GRIK1: variants seen among roughly 807,000 people sequenced by gnomAD.
GRIK1 encodes glutamate receptor ionotropic, kainate 1.
In GRIK1, 69 loss-of-function variants were observed where a neutral mutation model predicts 105.7. That is an observed-to-expected ratio of 0.65 (90% confidence interval 0.54 to 0.80). The LOEUF (loss-of-function observed/expected upper bound fraction) is 0.80. GRIK1 is among the 30% of genes least tolerant of loss of function. The pLI is 0.00. For missense variants in GRIK1, 1,109 were observed against 1,167.3 expected (o/e 0.95, Z 0.73); for synonymous variants, 438 against 431.3 (o/e 1.02, Z -0.19).
intron 1 of GRIK1, among the ~76,000 whole-genome samples, chr21:29,866,465 A>T (rs558536075): frequency 1.6e-3 from 243 of 152,322 alleles, no homozygotes; most frequent in African/African-American, 5.7e-3. Flanking sequence ...AATGGAAGTT[A>T]GAAACAAAAT....
chr21:29,744,593 A>G (rs113559483), intron 1 of GRIK1, among the ~76,000 whole-genome samples: 72 of 138,718 alleles, frequency 5.2e-4, no homozygotes, highest in Middle Eastern at 3.6e-3. Context: ...CTGGAATTCT[A>G]TTGTCTTGCT....
chr21:29,560,535 T>TCCTTC (rs1491554544), intron 15 of GRIK1, among the ~76,000 whole-genome samples: 1 of 98,322 alleles, frequency 1.0e-5, no homozygotes, highest in African/African-American at 4.6e-5. Flanking sequence ...TTTCTTTCTT[T>TCCTTC]CTTTCTTTCT....
At chr21:29,678,181 G>T (rs1341466158) in intron 3 of GRIK1, among the ~76,000 whole-genome samples, 1 of 152,124 alleles carries the variant, frequency 6.6e-6, no homozygotes, top group East Asian at 1.9e-4. Flanking sequence ...TCATAAACTT[G>T]TGGGTATATT....
chr21:29,858,683 C>T (rs572420414), intron 1 of GRIK1, among the ~76,000 whole-genome samples: 3 of 152,184 alleles, frequency 2.0e-5, no homozygotes, highest in African/African-American at 7.2e-5. Context: ...AAGCAGCTAG[C>T]TCATGATACC....
At chr21:29,642,747 C>T (rs1406705255) in intron 7 of GRIK1, 79 bp downstream of exon 7, 17 of 1,270,346 alleles carry the variant, frequency 1.3e-5, no homozygotes, top group Middle Eastern at 2.0e-4. Context: ...CAGCAGAACC[C>T]TGTGGGGAGG....
intron 1 of GRIK1, among the ~76,000 whole-genome samples, chr21:29,720,253 T>C (rs757523287): frequency 3.9e-5 from 6 of 152,220 alleles, no homozygotes; most frequent in African/African-American, 7.2e-5. Context: ...TGTTCCACTG[T>C]CTTTATAAAA....
intron 10 of GRIK1, 46 bp downstream of exon 10, chr21:29,591,066 G>A: frequency 9.9e-7 from 1 of 1,010,696 alleles, no homozygotes; most frequent in Non-Finnish European, 1.6e-6. Flanking sequence ...GAAGTCTAAG[G>A]CAGGAGCCTG....
At chr21:29,811,955 T>G (rs2067021643) in intron 1 of GRIK1, among the ~76,000 whole-genome samples, 1 of 152,166 alleles carries the variant, frequency 6.6e-6, no homozygotes, top group Admixed American at 6.6e-5. Flanking sequence ...AGGTCTCTGC[T>G]GAAATGTCAT....
At chr21:29,840,421 T>C (rs1395292477) in intron 1 of GRIK1, among the ~76,000 whole-genome samples, 1 of 152,122 alleles carries the variant, frequency 6.6e-6, no homozygotes, top group Non-Finnish European at 1.5e-5. Context: ...TATAAATAGC[T>C]TTGTCTTTCA....
Position 29,789,583 on chromosome 21 carries a change from T to A in GRIK1, c.119-95520A>T, listed in dbSNP as rs2066356170. 1.3e-5 allele frequency among the ~76,000 whole-genome samples: 2 copies of A among 152,230 alleles called. 1 individual carries two copies. Among genetic ancestry groups the A allele is most frequent in the South Asian group, 4.1e-4 (2 of 4,836 alleles). On this transcript the variant is annotated intron_variant, in intron 1 of 17. Transcript: ENST00000327783. ...AGCTCTTTTCTGCCTGACCTTTGAA[T>A]TGCTTTCATACCTCACGGAGTAAGC...
At chr21:29,566,256 A>C (rs1317130814) in intron 14 of GRIK1, among the ~76,000 whole-genome samples, 1 of 152,222 alleles carries the variant, frequency 6.6e-6, no homozygotes, top group Admixed American at 6.5e-5. Flanking sequence ...AAACAGAAAT[A>C]GTGGTTGCCT....
chr21:29,850,359 C>CT lies in GRIK1; in HGVS notation c.118+89023dup, dbSNP rs577452007. Among the ~76,000 whole-genome samples the CT allele has an allele frequency of 8.2e-4, 125 of 152,240 alleles. 1 individual carries two copies. The highest frequency in any genetic ancestry group is 3.0e-3 in the African/African-American group (123 of 41,540). ...AGTTTGAAGGGTATTTAAAAAATCT[C>CT]TATCTTTTCGATGTGTGGCTCTGGG... On this transcript the variant is annotated intron_variant, in intron 1 of 17. Coordinates refer to ENST00000327783, the MANE Select transcript of GRIK1 (RefSeq NM_001330994.2).
At chr21:29,795,959 T>C (rs964983802) in intron 1 of GRIK1, among the ~76,000 whole-genome samples, 8 of 152,202 alleles carry the variant, frequency 5.3e-5, no homozygotes, top group African/African-American at 1.7e-4. Context: ...TCAATTCATT[T>C]GCCTACTCCA....
rs541782706 is a variant in GRIK1 at position 29,734,345 on chromosome 21, ACTTTTCTTTT to A, written c.119-40292_119-40283del. Among the ~76,000 whole-genome samples, 523 of 135,244 alleles carry A rather than the reference ACTTTTCTTTT, an allele frequency of 3.9e-3. 11 individuals carry two copies. Among genetic ancestry groups the A allele is most frequent in the African/African-American group, 0.016 (487 of 30,472 alleles). 88.7% of individuals were successfully genotyped at this position (135,244 alleles called of 152,430 possible). ...TTTAATGGATATACTGGATCATAGC[ACTTTTCTTTT>A]CTTTTCTTTTCTTTTCTTTTCTTTT... On this transcript the variant is annotated intron_variant, in intron 1 of 17. Transcript: ENST00000327783.
chr21:29,651,981 C>T (rs2062748715), intron 5 of GRIK1, among the ~76,000 whole-genome samples: 1 of 152,026 alleles, frequency 6.6e-6, no homozygotes, highest in African/African-American at 2.4e-5. Context: ...TCATTTTCAT[C>T]TGTTTTATTT....
At chr21:29,576,651 G>T (rs1461617143) in intron 14 of GRIK1, among the ~76,000 whole-genome samples, 1 of 151,886 alleles carries the variant, frequency 6.6e-6, no homozygotes, top group Admixed American at 6.6e-5. Flanking sequence ...TGAGTGGTTA[G>T]ATTGTATTCA....
At chr21:29,615,978 C>A (rs1033215116) in intron 7 of GRIK1, among the ~76,000 whole-genome samples, 2 of 152,190 alleles carry the variant, frequency 1.3e-5, no homozygotes, top group African/African-American at 4.8e-5. Flanking sequence ...AACAGTACAC[C>A]TGTTCTATTC....
chr21:29,711,678 A>G (rs1305501841), intron 1 of GRIK1, among the ~76,000 whole-genome samples: 2 of 152,046 alleles, frequency 1.3e-5, no homozygotes. Flanking sequence ...TTGTTAAAGC[A>G]TTGGGTTTGT....
chr21:29,648,901 G>C (rs979083602), intron 6 of GRIK1, among the ~76,000 whole-genome samples: 1 of 152,158 alleles, frequency 6.6e-6, no homozygotes, highest in Non-Finnish European at 1.5e-5. Flanking sequence ...CAGGGTCTGC[G>C]ATGTGGACCC....
Sources: allele counts gnomAD v4.1 joint callset (sites outside exome capture counted in the v4.1 genomes callset), GRCh38; gene constraint gnomAD v4.1.1; transcripts MANE v1.5; gene names NCBI Gene and HGNC (gene_info 2026-07-23, HGNC 2026-07-21).